Variants in KRABD3 observed in about 807,000 individuals in gnomAD.
KRABD3 encodes the protein KRAB domain containing 3.
At chr7:149,730,765 G>A in the KRABD3 span, 4 of 680,044 alleles carry the variant, frequency 5.9e-6, no homozygotes, top group Non-Finnish European at 9.7e-6. Flanking sequence ...CTGGTGAGCA[G>A]CTGCAGGGAG....
At chr7:149,723,593 C>G in the KRABD3 span, 1 of 782,402 alleles carries the variant, frequency 1.3e-6, no homozygotes, top group Non-Finnish European at 2.0e-6. Flanking sequence ...GACCCAGGCA[C>G]TGGGAAGACT....
At chr7:149,729,671 C>G in the KRABD3 span, 3 of 985,316 alleles carry the variant, frequency 3.0e-6, no homozygotes, top group African/African-American at 5.2e-5. Context: ...GTTTAACTTC[C>G]AGCAGAATTC....
At chr7:149,730,207 C>T in the KRABD3 span, 1 of 1,574,606 alleles carries the variant, frequency 6.4e-7, no homozygotes, top group Non-Finnish European at 8.6e-7. Flanking sequence ...GGGATCTTGC[C>T]TGTAAGGCCC....
chr7:149,721,697 A>G, the KRABD3 span: 4 of 844,850 alleles, frequency 4.7e-6, no homozygotes, highest in Admixed American at 4.0e-5. Flanking sequence ...GCAGGACAAC[A>G]TATTTAGCCT....
the KRABD3 span, among the ~76,000 whole-genome samples, chr7:149,731,399 G>T: frequency 1.3e-5 from 2 of 152,158 alleles, no homozygotes; most frequent in African/African-American, 4.8e-5. Context: ...ACTGGGGCAG[G>T]ACCCGCAGAT....
At chr7:149,729,986 C>T in the KRABD3 span, 2 of 1,312,062 alleles carry the variant, frequency 1.5e-6, no homozygotes, top group African/African-American at 1.5e-5. Flanking sequence ...CACTTTTGTC[C>T]TCTTTCTCTG....
chr7:149,720,078 G>T, the KRABD3 span: 1 of 1,553,950 alleles, frequency 6.4e-7, no homozygotes, highest in African/African-American at 1.4e-5. Context: ...TTGGGGGAGG[G>T]AGCCACGCTG....
the KRABD3 span, chr7:149,734,184 G>A: frequency 1.6e-6 from 2 of 1,242,630 alleles, no homozygotes; most frequent in Non-Finnish European, 2.2e-6. Context: ...CTCGCCCTTT[G>A]TCCCAACTGG....
chr7:149,722,081 G>T, the KRABD3 span: 2 of 412,304 alleles, frequency 4.9e-6, no homozygotes, highest in Admixed American at 7.8e-5. Context: ...TTCAGGGGTC[G>T]TCGGGCACAC....
At chr7:149,719,789 C>A in the KRABD3 span, 1 of 1,288,258 alleles carries the variant, frequency 7.8e-7, no homozygotes, top group South Asian at 1.5e-5. This position sits in a 1 kb window ranked among gnomAD's most constrained non-coding sequence, Gnocchi z 5.6. Flanking sequence ...ACACGGGGAT[C>A]GTTCACGCTG....
At chr7:149,731,777 G>A in the KRABD3 span, 8 of 1,604,270 alleles carry the variant, frequency 5.0e-6, no homozygotes, top group Non-Finnish European at 6.8e-6. Context: ...AGAGTTGCAG[G>A]TGAACTGGTG....
At chr7:149,721,610 C>T in the KRABD3 span, 59 of 1,489,616 alleles carry the variant, frequency 4.0e-5, no homozygotes, top group Non-Finnish European at 5.2e-5. Context: ...GGACCTGGAC[C>T]CTGTGCCCTC....
the KRABD3 span, among the ~76,000 whole-genome samples, chr7:149,716,983 G>A: frequency 5.9e-5 from 9 of 152,196 alleles, no homozygotes; most frequent in Non-Finnish European, 1.0e-4. Flanking sequence ...CTCATAACTA[G>A]TATGAAACAA....
the KRABD3 span, among the ~76,000 whole-genome samples, chr7:149,726,437 A>ATT: frequency 9.3e-5 from 13 of 139,648 alleles, no homozygotes; most frequent in South Asian, 2.3e-4. Flanking sequence ...TCTATACAGA[A>ATT]TTTTTTTTTT....
the KRABD3 span, among the ~76,000 whole-genome samples, chr7:149,721,202 G>C: frequency 6.6e-6 from 1 of 152,236 alleles, no homozygotes; most frequent in South Asian, 2.1e-4. Flanking sequence ...GGTGGTTTCT[G>C]TGTGGCTTTG....
At chr7:149,725,514 T>C in the KRABD3 span, 2 of 1,580,692 alleles carry the variant, frequency 1.3e-6, no homozygotes, top group African/African-American at 1.4e-5. Context: ...GGGCGCGGGG[T>C]GGCATGTCCC....
At chr7:149,731,662 C>T in the KRABD3 span, 2 of 1,602,640 alleles carry the variant, frequency 1.2e-6, no homozygotes, top group South Asian at 1.1e-5. Context: ...TCTCTGTGCT[C>T]TTTCTATAGG....
At chr7:149,725,770 G>A in the KRABD3 span, 51 of 1,020,212 alleles carry the variant, frequency 5.0e-5, no homozygotes, top group Non-Finnish European at 1.2e-5. Flanking sequence ...GTGCCACAGG[G>A]AAACCCTAGT....
the KRABD3 span, chr7:149,721,304 A>G: frequency 6.7e-7 from 1 of 1,496,474 alleles, no homozygotes; most frequent in Non-Finnish European, 8.9e-7. Flanking sequence ...CATGGCAAGG[A>G]AAGGACCCAG....
Sources: gnomAD v4.1 joint callset for allele counts (sites outside exome capture counted in the v4.1 genomes callset) on GRCh38, gnomAD v4.1.1 for gene constraint, Gnocchi (gnomAD v3.1) non-coding constraint, MANE v1.5 for transcripts, NCBI Gene and HGNC (gene_info 2026-07-23, HGNC 2026-07-21) for gene names.